Variants in KCNH2 observed in about 807,000 individuals in gnomAD.
The protein encoded by KCNH2 is potassium voltage-gated channel subfamily H member 2, also known as voltage-gated inwardly rectifying potassium channel KCNH2.
Under a neutral mutation model 95.9 loss-of-function variants are expected in KCNH2, and 35 were observed. The ratio of observed to expected loss-of-function variants is 0.37; its 90% CI spans 0.28 to 0.48. The LOEUF (loss-of-function observed/expected upper bound fraction) is 0.48, where lower values mean the gene tolerates loss of function less well. KCNH2 is among the 20% of genes least tolerant of loss of function. The probability of loss-of-function intolerance (pLI) is 0.99; values close to 1 mark genes in which losing one functional copy is unlikely to be tolerated. For synonymous variants in KCNH2, 786 were observed against 754.7 expected, an observed-to-expected ratio of 1.04 and a Z score of -0.68; for missense variants, 1,274 against 1,702.9, an observed-to-expected ratio of 0.75 and a Z score of 4.43.
At chr7:150,953,076 GTTCCAACAT>G (rs980732766) in intron 5 of KCNH2, among the ~76,000 whole-genome samples, 1 of 152,160 alleles carries the variant, frequency 6.6e-6, no homozygotes, top group Non-Finnish European at 1.5e-5. Flanking sequence ...GCTCCAAACA[GTTCCAACAT>G]TTCCCGGCAG....
At chr7:150,969,998 C>T (rs1325487287) in intron 2 of KCNH2, among the ~76,000 whole-genome samples, 1 of 152,132 alleles carries the variant, frequency 6.6e-6, no homozygotes, top group Non-Finnish European at 1.5e-5. Flanking sequence ...ACTCCCATGG[C>T]CCTCCTGCCC....
chr7:150,963,317 A>G (rs2117025508), intron 2 of KCNH2, among the ~76,000 whole-genome samples: 1 of 152,290 alleles, frequency 6.6e-6, no homozygotes. Context: ...ACATTGCATT[A>G]GAATGACTTT....
At chr7:150,947,288 C>T in intron 13 of KCNH2, 40 bp downstream of exon 13, 4 of 1,489,730 alleles carry the variant, frequency 2.7e-6, no homozygotes, top group Non-Finnish European at 3.6e-6. Context: ...CTGGACCAGA[C>T]TCCAGGGCGT....
At chr7:150,969,805 TGGCTCCCAA>T (rs1458968961) in intron 2 of KCNH2, among the ~76,000 whole-genome samples, 3 of 152,210 alleles carry the variant, frequency 2.0e-5, no homozygotes, top group Non-Finnish European at 2.9e-5. Flanking sequence ...CAAGGCTGCC[TGGCTCCCAA>T]GGTGTTTCTC....
chr7:150,958,075 C>T lies in KCNH2; in HGVS notation c.900G>A (p.Pro300=). The T allele has an allele frequency of 7.9e-7, 1 of 1,272,654 alleles. No individual in the cohort carries two copies. Among genetic ancestry groups the T allele is most frequent in the Admixed American group, 4.1e-5 (1 of 24,564 alleles). 78.8% of individuals were successfully genotyped at this position (1,272,654 alleles called of 1,614,324 possible). The change falls in exon 4 of 15, where the codon CCG becomes CCA. Residue 300 remains proline, a synonymous_variant. Transcript: ENST00000262186. Reference sequence around the variant, plus strand: ...CGCCCTCACCGGTGCTGGCGTGGCGCGGTGGCGGGGGCAGCACCCCGGCGC... The same window carrying T: ...CGCCCTCACCGGTGCTGGCGTGGCGTGGTGGCGGGGGCAGCACCCCGGCGC... ...AMRAGVLPPP[P]RHASTGAMHP...
rs1202958757 is a variant in KCNH2, at chr7:150,959,724, A to G, written c.320T>C (p.Leu107Pro). The G allele has an allele frequency of 1.9e-6, 3 of 1,614,078 alleles. No individual in the cohort carries two copies. Among genetic ancestry groups the G allele is most frequent in the Non-Finnish European group, 2.5e-6 (3 of 1,180,026 alleles). The change falls in exon 3 of 15, where the codon CTA (leucine) becomes CCA (proline). Residue 107 changes from leucine to proline, a missense_variant. By Grantham distance (98) the Leu-to-Pro change is moderately conservative. This residue lies in a region of KCNH2 where 85 missense variants were observed against 174.7 expected (regional missense o/e 0.49). Transcript: ENST00000262186. ...CACGGGCACCACATCCACCAGACATAGGAAGCAGCTCCCTGCAGAGTGGGA... is the reference window on the plus strand; with the variant it reads ...CACGGGCACCACATCCACCAGACATGGGAAGCAGCTCCCTGCAGAGTGGGA... ...AFYRKDGSCF[L>P]CLVDVVPVKN...
rs75005975 is a variant in KCNH2 at position 150,947,667 on chromosome 7, C to T, written c.2904G>A (p.Pro968=). The T allele has an allele frequency of 1.3e-4, 206 of 1,608,250 alleles. No homozygotes were observed. The highest frequency in any genetic ancestry group is 1.6e-4 in the Non-Finnish European group (189 of 1,177,720). Residue 968 remains proline (P), a synonymous_variant, in exon 12 of 15, where the codon CCG becomes CCA. Transcript: ENST00000262186. ...AGTCCTCCATCAGGGGCTCCCCACC[C>T]GGCGGCTCTCCGGGGGGCCTGGGGC... is the stretch of plus-strand genomic sequence containing the variant. ...FSSPRPPGEP[P]GGEPLMEDCE...
intron 11 of KCNH2, 125 bp from the exon 12 acceptor site, chr7:150,948,003 T>C (rs1211707893): frequency 1.8e-5 from 21 of 1,183,050 alleles, no homozygotes; most frequent in Non-Finnish European, 2.3e-5. Flanking sequence ...TTGTCCCCAG[T>C]CGCTTCTTCT....
intron 10 of KCNH2, 25 bp downstream of exon 10, chr7:150,948,831 G>A: frequency 2.5e-6 from 4 of 1,606,976 alleles, no homozygotes; most frequent in Non-Finnish European, 2.6e-6. Context: ...GGAGGATGGG[G>A]TCCAGCTCAG....
At position 150,945,220 on chromosome 7, in the gene KCNH2, G is replaced by T; in HGVS notation, c.*145C>A. The stretch of plus-strand genomic sequence containing the variant: ...GGCCCAGGGGACTGCAGGAGAAGAT[G>T]GTCCCAAGGGCTGGGGGAGGAGCTG... On this transcript the variant is annotated 3_prime_UTR_variant, in exon 15 of 15. Transcript: ENST00000262186. The surrounding 1 kb of genome is among the most constrained non-coding windows in gnomAD (Gnocchi z 5.6). 8.8e-6 allele frequency: 8 copies of T among 903,968 alleles called. No homozygotes were observed. The highest frequency in any genetic ancestry group is 4.9e-6 in the Non-Finnish European group (3 of 612,324). 56.0% of individuals were successfully genotyped at this position (903,968 alleles called of 1,614,324 possible).
intron 2 of KCNH2, among the ~76,000 whole-genome samples, chr7:150,968,642 G>C (rs1801763190): frequency 6.6e-6 from 1 of 152,182 alleles, no homozygotes; most frequent in Non-Finnish European, 1.5e-5. Context: ...ACTGGAGAGT[G>C]AGATAAAAGG....
At chr7:150,949,476 C>T in intron 9 of KCNH2, 1 of 716,512 alleles carries the variant, frequency 1.4e-6, no homozygotes, top group South Asian at 4.2e-5. Context: ...CAGCACAGAA[C>T]AGAAATGCTA....
chr7:150,973,298 A>G (rs1801886891), intron 2 of KCNH2, among the ~76,000 whole-genome samples: 1 of 152,204 alleles, frequency 6.6e-6, no homozygotes, highest in Non-Finnish European at 1.5e-5. Context: ...GACAGAACAG[A>G]GCGCACAGGG....
Position 150,957,429 on chromosome 7 carries a change from A to G in KCNH2, c.990T>C (p.Ile330=), listed in dbSNP as rs748711437. ...SDSDLVRYRT[I]SKIPQITLNF... is the part of the protein sequence containing the mutation. ...TGAGGGTGATTTGGGGAATCTTGCT[A>G]ATGGTGCGGTAGCGCACGAGGTCGG... The change falls in exon 5 of 15, where the codon ATT becomes ATC. Residue 330 remains isoleucine (I), a synonymous_variant. Coordinates refer to ENST00000262186, the MANE Select transcript of KCNH2 (RefSeq NM_000238.4). The G allele has an allele frequency of 5.0e-6, 8 of 1,614,092 alleles. No individual in the cohort carries two copies. The highest frequency in any genetic ancestry group is 5.9e-6 in the Non-Finnish European group (7 of 1,180,016).
chr7:150,955,421 C>T lies in KCNH2; in HGVS notation c.1128+1870G>A, dbSNP rs1219643674. 6 of 1,564,114 alleles carry T rather than the reference C, an allele frequency of 3.8e-6. No individual in the cohort carries two copies. Among genetic ancestry groups the T allele is most frequent in the African/African-American group, 1.4e-5 (1 of 73,700 alleles). ...CTCCTGGGCCACGAGGCTGGAGATG[C>T]GCACGGCCCGCCTCACCCGGCCTTT... On this transcript the variant is annotated intron_variant, in intron 5 of 14. Transcript: ENST00000262186.
At chr7:150,968,119 GTAGA>G (rs1801751181) in intron 2 of KCNH2, among the ~76,000 whole-genome samples, 1 of 152,202 alleles carries the variant, frequency 6.6e-6, no homozygotes, top group Admixed American at 6.5e-5. Flanking sequence ...ATTTAGAAAG[GTAGA>G]TAATGTCGAG....
Position 150,947,807 on chromosome 7 carries a change from G to A in KCNH2, c.2764C>T (p.Arg922Trp), listed in dbSNP as rs199473440. 18 of 1,530,204 alleles carry A rather than the reference G, an allele frequency of 1.2e-5. No homozygotes were observed. Among genetic ancestry groups the A allele is most frequent in the Admixed American group, 4.0e-5 (2 of 50,536 alleles). The allele number at this position is 1,530,204 out of a possible 1,614,324, so 94.8% of individuals were successfully genotyped here. A position where few individuals can be genotyped will look rare whatever the true frequency, so the allele number is the denominator to read the frequency against. ...CTCTCCCCCCACGGCCCCCCCGGCC[G>A]GCCCCGGCTACTCGGCCCTGCCCCC... ...RAGAGPSSRG[R>W]PGGPWGESPS... The change falls in exon 12 of 15, where the codon CGG becomes TGG. Residue 922 changes from arginine (R) to tryptophan (W), a missense_variant. Coordinates refer to ENST00000262186, the MANE Select transcript of KCNH2 (RefSeq NM_000238.4).
At chr7:150,948,194 C>T (rs1274017984) in intron 11 of KCNH2, among the ~76,000 whole-genome samples, 1 of 152,190 alleles carries the variant, frequency 6.6e-6, no homozygotes, top group Non-Finnish European at 1.5e-5. Flanking sequence ...CACAGAGACC[C>T]CAGCCCTGTG....
chr7:150,959,508 G>A, intron 3 of KCNH2, 64 bp downstream of exon 3: 1 of 1,585,760 alleles, frequency 6.3e-7, no homozygotes, highest in Non-Finnish European at 8.6e-7. Context: ...ACCTTGGACA[G>A]CTCACAGCCC....
Sources: allele counts gnomAD v4.1 joint callset (sites outside exome capture counted in the v4.1 genomes callset), GRCh38; gene constraint gnomAD v4.1.1; regional missense constraint gnomAD v4.1.1; non-coding constraint Gnocchi (gnomAD v3.1); transcripts MANE v1.5; gene names NCBI Gene and HGNC (gene_info 2026-07-23, HGNC 2026-07-21).